The following BRD2 variants were observed in gnomAD, a reference collection of about 807,000 sequenced individuals.
BRD2 encodes the protein bromodomain-containing protein 2.
Under a neutral mutation model 79.1 loss-of-function variants are expected in BRD2, and 15 were observed. That is an observed-to-expected ratio of 0.19 (90% CI 0.13 to 0.29). The LOEUF is 0.29. BRD2 is among the 10% of genes least tolerant of loss of function. The pLI is 1.00. For synonymous variants in BRD2, 488 were observed against 358.6 expected (o/e 1.36, Z -4.08); for missense variants, 1,053 against 991.3 (o/e 1.06, Z -0.84).
chr6:32,979,329 T>C, intron 10 of BRD2: 2 of 160,906 alleles, frequency 1.2e-5, no homozygotes, highest in Non-Finnish European at 1.4e-5. Context: ...CTGCCCGCCT[T>C]GGCCTCCCAA....
At chr6:32,971,563 C>T (rs1237411542) in intron 1 of BRD2, 32 bp from the exon 2 acceptor site, 1 of 459,368 alleles carries the variant, frequency 2.2e-6, no homozygotes, top group African/African-American at 2.0e-5. Context: ...CAGGCCGCGG[C>T]TTCTAAGATG....
Position 32,980,608 on chromosome 6 carries a change from G to A in BRD2, c.2296G>A (p.Ala766Thr), listed in dbSNP as rs144861747. 1.8e-3 allele frequency: 2,853 copies of A among 1,613,144 alleles called. 19 individuals are homozygous for A. The highest frequency in any genetic ancestry group is 3.9e-3 in the African/African-American group (289 of 75,058). ...GAATGAGAAAACAGAGTCATCCTCT[G>A]CACAGCAAGTAGCAGTGTCACGCCT... ...KANEKTESSS[A>T]QQVAVSRLSA... is the part of the protein sequence containing the mutation. The change falls in exon 13 of 13, where the codon GCA becomes ACA. Residue 766 changes from alanine (A) to threonine (T), a missense_variant. Transcript: ENST00000374825.
rs200645372 is a variant in BRD2, at chr6:32,980,332, C to A, written c.2147-10C>A. ...AATCTTAATGTATCCTGATAAATTT[C>A]TTTCATTAGCCATTAAGAAGCCTGT... is the stretch of plus-strand genomic sequence containing the variant. On this transcript the variant is annotated splice_polypyrimidine_tract_variant and intron_variant, in intron 11 of 12. Transcript: ENST00000374825. 2.8e-4 allele frequency: 446 copies of A among 1,612,350 alleles called. No homozygotes were observed. In the Middle Eastern group the frequency reaches 3.3e-3, roughly 12 times the overall value.
intron 6 of BRD2, 46 bp downstream of exon 6, chr6:32,976,510 TAAGTA>T (rs1778779106): frequency 2.5e-6 from 4 of 1,598,646 alleles, no homozygotes; most frequent in South Asian, 1.1e-5. Context: ...GCAAGGGTCT[TAAGTA>T]AAGTGGGCTT....
chr6:32,978,457 T>C (rs1290397908), intron 10 of BRD2, 69 bp downstream of exon 10: 3 of 1,556,992 alleles, frequency 1.9e-6, no homozygotes, highest in Non-Finnish European at 2.6e-6. Flanking sequence ...CATCTCTCTT[T>C]GCAAAGATAA....
chr6:32,971,880 G>A lies in BRD2; in HGVS notation c.-1019G>A. 1 of 702,336 alleles carries A rather than the reference G, an allele frequency of 1.4e-6. No individual in the cohort carries two copies. The highest frequency in any genetic ancestry group is 1.5e-5 in the South Asian group (1 of 67,552). The allele number at this position is 702,336 out of a possible 1,614,324, so 43.5% of individuals were successfully genotyped here. A position where few individuals can be genotyped will look rare whatever the true frequency, so the allele number is the denominator to read the frequency against. Reference sequence around the variant, plus strand: ...CCTCTTCCAACCACCCTCTTTCCCTGGAGTCGGCGGACCACAGCTCAGCCA... The same window carrying A: ...CCTCTTCCAACCACCCTCTTTCCCTAGAGTCGGCGGACCACAGCTCAGCCA... On this transcript the variant is annotated 5_prime_UTR_variant, in exon 2 of 13. The change creates a premature stop within an existing upstream ORF in the 5' untranslated region. Transcript: ENST00000374825.
intron 4 of BRD2, 73 bp downstream of exon 4, chr6:32,975,594 T>C (rs1413626374): frequency 2.6e-6 from 4 of 1,561,564 alleles, no homozygotes; most frequent in Non-Finnish European, 3.5e-6. Flanking sequence ...ATATGTTGTC[T>C]ACATAAAGTT....
chr6:32,980,912 A>C lies in BRD2; in HGVS notation c.*194A>C. 4 of 646,608 alleles carry C rather than the reference A, an allele frequency of 6.2e-6. No individual in the cohort carries two copies. Among genetic ancestry groups the C allele is most frequent in the East Asian group, 2.8e-5 (1 of 35,204 alleles). 40.1% of individuals were successfully genotyped at this position (646,608 alleles called of 1,614,324 possible). A position where few individuals can be genotyped will look rare whatever the true frequency, so the allele number is the denominator to read the frequency against. On this transcript the variant is annotated 3_prime_UTR_variant, in exon 13 of 13. Coordinates refer to ENST00000374825, the MANE Select transcript of BRD2 (RefSeq NM_005104.4). ...GAAGGAGGGACATGGACAAAACAAC[A>C]TTGAATTCCCAGCCCCATTGGGGAG...
At position 32,972,789 on chromosome 6, in the gene BRD2, G is replaced by GGAAC. The variant is rs1778191562; in HGVS notation, c.-108_-105dup. The stretch of plus-strand genomic sequence containing the variant: ...GGGTTTGTCGCCTGGAGGCCCAAGA[G>GGAAC]GAACGGCCTCCCCCCAACTTAGCGG... On this transcript the variant is annotated 5_prime_UTR_variant, in exon 2 of 13. Coordinates refer to ENST00000374825, the MANE Select transcript of BRD2 (RefSeq NM_005104.4). 11 of 1,538,188 alleles carry GGAAC rather than the reference G, an allele frequency of 7.2e-6. No homozygotes were observed. In the South Asian group the frequency reaches 1.1e-4, roughly 16 times the overall value.
chr6:32,974,263 TA>T (rs1252593988), intron 2 of BRD2, among the ~76,000 whole-genome samples, 198 bp from the exon 3 acceptor site: 2 of 152,188 alleles, frequency 1.3e-5, no homozygotes, highest in African/African-American at 4.8e-5. Context: ...GATAGTATAC[TA>T]AAAATATTAA....
At chr6:32,980,265 G>A in intron 11 of BRD2, 77 bp from the exon 12 acceptor site, 1 of 1,587,588 alleles carries the variant, frequency 6.3e-7, no homozygotes, top group Non-Finnish European at 8.5e-7. Context: ...TTCAAGAAGG[G>A]AACTTGGGAA....
Position 32,972,164 on chromosome 6 carries a change from C to CTA in BRD2, c.-728_-727dup. The stretch of plus-strand genomic sequence containing the variant: ...GAGCGGCGAAGCTCCTCCTCCCCGC[C>CTA]TATATATAAAGGGCTGGCGCGGGGC... On this transcript the variant is annotated 5_prime_UTR_variant, in exon 2 of 13. It introduces an in-frame stop codon into an upstream open reading frame of the 5' UTR. Transcript: ENST00000374825. 1 of 627,658 alleles carries CTA rather than the reference C, an allele frequency of 1.6e-6. No homozygotes were observed. The highest frequency in any genetic ancestry group is 2.9e-6 in the Non-Finnish European group (1 of 345,360). 38.9% of individuals were successfully genotyped at this position (627,658 alleles called of 1,614,324 possible). A position where few individuals can be genotyped will look rare whatever the true frequency, so the allele number is the denominator to read the frequency against.
At chr6:32,978,810 G>A in intron 10 of BRD2, 1 of 183,712 alleles carries the variant, frequency 5.4e-6, no homozygotes, top group Non-Finnish European at 1.1e-5. Flanking sequence ...TGGGGGTTGG[G>A]ACCCCTGGCT....
In BRD2 at chr6:32,972,172, A is replaced by C; in HGVS notation, c.-727A>C. 1.7e-6 allele frequency: 1 copy of C among 593,560 alleles called. No homozygotes were observed. Among genetic ancestry groups the C allele is most frequent in the East Asian group, 3.1e-5 (1 of 32,212 alleles). 36.8% of individuals were successfully genotyped at this position (593,560 alleles called of 1,614,324 possible). On this transcript the variant is annotated 5_prime_UTR_variant, in exon 2 of 13. Transcript: ENST00000374825. The stretch of plus-strand genomic sequence containing the variant: ...AAGCTCCTCCTCCCCGCCTATATAT[A>C]AAGGGCTGGCGCGGGGCTCGGCGGC...
rs551724753 is a variant in BRD2 at position 32,969,311 on chromosome 6, CT to C, written c.-1305+256del. The C allele has an allele frequency of 8.2e-4, 588 of 716,510 alleles. 4 individuals are homozygous for C. Among genetic ancestry groups the C allele is most frequent in the Admixed American group, 6.8e-3 (339 of 49,928 alleles). 44.4% of individuals were successfully genotyped at this position (716,510 alleles called of 1,614,324 possible). On this transcript the variant is annotated intron_variant, in intron 1 of 12. Coordinates refer to ENST00000374825, the MANE Select transcript of BRD2 (RefSeq NM_005104.4). ...GGGTTAGGGGGCGGTGTGGCCCCCC[CT>C]ATTCCATTCGTCCCCTGGGGGTACA...
chr6:32,969,888 T>A (rs1701298091), intron 1 of BRD2, among the ~76,000 whole-genome samples: 1 of 151,942 alleles, frequency 6.6e-6, no homozygotes, highest in South Asian at 2.1e-4. Flanking sequence ...CCTCATCCCC[T>A]CCCCCAGTCC....
chr6:32,975,012 A>G, intron 3 of BRD2: 1 of 1,528,662 alleles, frequency 6.5e-7, no homozygotes, highest in Non-Finnish European at 8.8e-7. Flanking sequence ...CCCTGGCTCC[A>G]TTTTACAGAT....
Position 32,980,630 on chromosome 6 carries a change from G to A in BRD2, c.2318G>A (p.Arg773His), listed in dbSNP as rs202018564. 19 of 1,613,138 alleles carry A rather than the reference G, an allele frequency of 1.2e-5. No homozygotes were observed. Among genetic ancestry groups the A allele is most frequent in the Non-Finnish European group, 1.5e-5 (18 of 1,180,044 alleles). Residue 773 changes from arginine to histidine, a missense_variant, in exon 13 of 13, where the codon CGC becomes CAC. Transcript: ENST00000374825. Reference sequence around the variant, plus strand: ...TCTGCACAGCAAGTAGCAGTGTCACGCCTTAGCGCTTCCAGCTCCAGCTCA... The same window carrying A: ...TCTGCACAGCAAGTAGCAGTGTCACACCTTAGCGCTTCCAGCTCCAGCTCA... ...SSSAQQVAVS[R>H]LSASSSSSDS...
At chr6:32,973,261 G>A (rs931597580) in intron 2 of BRD2, 1 of 1,082,656 alleles carries the variant, frequency 9.2e-7, no homozygotes, top group Non-Finnish European at 1.3e-6. Flanking sequence ...ATCTAGCGGC[G>A]GTCTGTTAGC....
Sources: gnomAD v4.1 joint callset for allele counts (sites outside exome capture counted in the v4.1 genomes callset) on GRCh38, gnomAD v4.1.1 for gene constraint, MANE v1.5 for transcripts, NCBI Gene and HGNC (gene_info 2026-07-23, HGNC 2026-07-21) for gene names.